Variants in PTPRN observed in about 807,000 individuals in gnomAD.
PTPRN encodes receptor-type tyrosine-protein phosphatase-like N.
In PTPRN, 70 loss-of-function variants were observed where a neutral mutation model predicts 108.5. The observed-to-expected ratio is 0.65, with a 90% confidence interval of 0.53 to 0.79. The LOEUF is 0.79. PTPRN is among the 30% of genes least tolerant of loss of function. The probability of loss-of-function intolerance (pLI) is 0.00; values close to 1 mark genes in which losing one functional copy is unlikely to be tolerated. For synonymous variants in PTPRN, 496 were observed against 524.6 expected (o/e 0.95, Z 0.75); for missense variants, 1,136 against 1,295.5 (o/e 0.88, Z 1.89).
At chr2:219,304,095 A>C (rs1254319079) in intron 3 of PTPRN, 1 of 305,888 alleles carries the variant, frequency 3.3e-6, no homozygotes, top group African/African-American at 2.2e-5. Context: ...TCCAAGCCTC[A>C]ATTCCCTCAT....
chr2:219,291,484 G>C lies in PTPRN; in HGVS notation c.2715C>G (p.Ile905Met). Residue 905 changes from isoleucine (I) to methionine (M), a missense_variant, in exon 20 of 23, where the codon ATC (isoleucine) becomes ATG (methionine). Ile to Met is a conservative substitution (Grantham distance 10). Coordinates refer to ENST00000295718, the MANE Select transcript of PTPRN (RefSeq NM_002846.4). Reference protein sequence around the residue: ...NKCYRGRSCPIIVHCSDGAGR... With the variant: ...NKCYRGRSCPMIVHCSDGAGR... ...TCTCCACCCACCTGCAGTGCACGAT[G>C]ATGGGGCAGGAGCGGCCCCGGTAGC... 6.2e-7 allele frequency: 1 copy of C among 1,614,044 alleles called. No homozygotes were observed. The highest frequency in any genetic ancestry group is 2.2e-5 in the East Asian group (1 of 44,868).
At chr2:219,305,313 G>T (rs529340917) in intron 3 of PTPRN, among the ~76,000 whole-genome samples, 4 of 151,668 alleles carry the variant, frequency 2.6e-5, no homozygotes. Flanking sequence ...TGCGATCTCG[G>T]CTCACCACAA....
intron 12 of PTPRN, 71 bp downstream of exon 12, chr2:219,298,976 G>T: frequency 6.3e-7 from 1 of 1,575,106 alleles, no homozygotes; most frequent in Non-Finnish European, 8.7e-7. Flanking sequence ...CTCCCCTCTG[G>T]TTTGCCTCCA....
rs1177512872 is a variant in PTPRN, at chr2:219,296,350, G to T, written c.2389-5C>A. ...GCAGCCGCTCTCCCACACCATCTAG[G>T]GACAGAGACCCAGTTGAGCTCCACT... On this transcript the variant is annotated splice_region_variant and splice_polypyrimidine_tract_variant and intron_variant, in intron 17 of 22. Transcript: ENST00000295718. This position sits in a 1 kb window ranked among gnomAD's most constrained non-coding sequence, Gnocchi z 6.0. 1.2e-6 allele frequency: 2 copies of T among 1,614,078 alleles called. No individual in the cohort carries two copies. The highest frequency in any genetic ancestry group is 1.7e-6 in the Non-Finnish European group (2 of 1,180,022).
intron 12 of PTPRN, among the ~76,000 whole-genome samples, chr2:219,298,804 C>G (rs961667817): frequency 1.3e-5 from 2 of 152,258 alleles, no homozygotes; most frequent in Non-Finnish European, 2.9e-5. Context: ...AGACTAAGGG[C>G]GGCTCAACTA....
At chr2:219,293,521 G>A (rs1345018327) in intron 19 of PTPRN, among the ~76,000 whole-genome samples, 3 of 152,182 alleles carry the variant, frequency 2.0e-5, no homozygotes, top group Non-Finnish European at 2.9e-5. Context: ...TGTTCTGGAT[G>A]TCTAATGCCA....
Position 219,290,421 on chromosome 2 carries a change from G to A in PTPRN, c.2868+117C>T. Reference sequence around the variant, plus strand: ...CCCCTGGGAGGAAGGGAGCCCTCCTGGAGGAGGCGCAGAAGCAGGTGGGAA... The same window carrying A: ...CCCCTGGGAGGAAGGGAGCCCTCCTAGAGGAGGCGCAGAAGCAGGTGGGAA... On this transcript the variant is annotated intron_variant, in intron 22 of 22. Transcript: ENST00000295718. This position sits in a 1 kb window ranked among gnomAD's most constrained non-coding sequence, Gnocchi z 4.2. The A allele has an allele frequency of 7.2e-7, 1 of 1,382,046 alleles. No individual in the cohort carries two copies. The highest frequency in any genetic ancestry group is 2.5e-5 in the East Asian group (1 of 40,044). 85.6% of individuals were successfully genotyped at this position (1,382,046 alleles called of 1,614,324 possible).
rs1213526316 is a variant in PTPRN, at chr2:219,303,729, G to T, written c.377+6C>A. On this transcript the variant is annotated splice_donor_region_variant and intron_variant, in intron 4 of 22. Coordinates refer to ENST00000295718, the MANE Select transcript of PTPRN (RefSeq NM_002846.4). ...ATTGCTAGAGTTGTAGAGAAAGGCTGCCTACCTGTCCCTTGGACGGGGCTC... is the reference window on the plus strand; with the variant it reads ...ATTGCTAGAGTTGTAGAGAAAGGCTTCCTACCTGTCCCTTGGACGGGGCTC... 6.2e-7 allele frequency: 1 copy of T among 1,610,626 alleles called. No individual in the cohort carries two copies. The highest frequency in any genetic ancestry group is 8.5e-7 in the Non-Finnish European group (1 of 1,176,988).
In PTPRN at chr2:219,299,040, C is replaced by G; in HGVS notation, c.1668+7G>C. 1 of 1,614,200 alleles carries G rather than the reference C, an allele frequency of 6.2e-7. No homozygotes were observed. Among genetic ancestry groups the G allele is most frequent in the Non-Finnish European group, 8.5e-7 (1 of 1,179,994 alleles). On this transcript the variant is annotated splice_region_variant and intron_variant, in intron 12 of 22. Transcript: ENST00000295718. ...GGACTTGGACTGATTCTCCAGTTAG[C>G]GCATACCTGTCCCACTCCTGTCTGC...
chr2:219,301,800 G>T, intron 6 of PTPRN, 81 bp from the exon 7 acceptor site: 1 of 1,481,048 alleles, frequency 6.8e-7, no homozygotes, highest in Non-Finnish European at 9.1e-7. Flanking sequence ...AGGGTGGGAA[G>T]GGACTAGCAT....
At chr2:219,298,948 C>T (rs1952271797) in intron 12 of PTPRN, 99 bp downstream of exon 12, 2 of 1,412,004 alleles carry the variant, frequency 1.4e-6, no homozygotes, top group East Asian at 2.3e-5. Flanking sequence ...TGCCTACGGA[C>T]ACGTTTCGGC....
chr2:219,295,043 C>T lies in PTPRN; in HGVS notation c.2607G>A (p.Gln869=), dbSNP rs1345173807. 1.2e-6 allele frequency: 2 copies of T among 1,613,064 alleles called. No homozygotes were observed. The highest frequency in any genetic ancestry group is 1.3e-5 in the African/African-American group (1 of 74,884). ...CTGCCGGCCAGCTGAGGAAGTGGAACTGCGTGAGCGTGCGCGTCTCCTGGG... is the reference window on the plus strand; with the variant it reads ...CTGCCGGCCAGCTGAGGAAGTGGAATTGCGTGAGCGTGCGCGTCTCCTGGG... The part of the protein sequence containing the change: ...VQTQETRTLT[Q]FHFLSWPAEG... Residue 869 remains glutamine (Q), a synonymous_variant, in exon 19 of 23, where the codon CAG becomes CAA. Coordinates refer to ENST00000295718, the MANE Select transcript of PTPRN (RefSeq NM_002846.4).
chr2:219,293,011 C>G (rs1040560947), intron 19 of PTPRN: 1 of 152,128 alleles, frequency 6.6e-6, no homozygotes, highest in Non-Finnish European at 1.5e-5. Flanking sequence ...TCCCTTGTGC[C>G]AAAAAGGTTG....
chr2:219,296,165 GA>G lies in PTPRN; in HGVS notation c.2508+60del. 1.3e-6 allele frequency: 2 copies of G among 1,597,128 alleles called. No individual in the cohort carries two copies. Among genetic ancestry groups the G allele is most frequent in the Non-Finnish European group, 1.7e-6 (2 of 1,166,198 alleles). ...GCTCATTTGGTGAAGAAAACGTTAC[GA>G]AAAGGCCATCATCTACTCTTCCCAC... On this transcript the variant is annotated intron_variant, in intron 18 of 22. Transcript: ENST00000295718. The surrounding 1 kb of genome is among the most constrained non-coding windows in gnomAD (Gnocchi z 6.0).
chr2:219,301,305 A>C (rs977473540), intron 7 of PTPRN, among the ~76,000 whole-genome samples: 1 of 146,440 alleles, frequency 6.8e-6, no homozygotes, highest in African/African-American at 2.7e-5. Context: ...CCTCATTGTC[A>C]CCAACCCATC....
rs1952288747 is a variant in PTPRN, at chr2:219,299,570, T to C, written c.1523+130A>G. 4.3e-6 allele frequency: 5 copies of C among 1,151,526 alleles called. No individual in the cohort carries two copies. In the East Asian group the frequency reaches 1.2e-4, roughly 27 times the overall value. 71.3% of individuals were successfully genotyped at this position (1,151,526 alleles called of 1,614,324 possible). ...CAACGGGCTGGGTGTGGCTGTACCT[T>C]CAGTACAGCTGGGAGCATCCCTGAG... On this transcript the variant is annotated intron_variant, in intron 10 of 22. Transcript: ENST00000295718.
intron 3 of PTPRN, among the ~76,000 whole-genome samples, chr2:219,305,263 G>C (rs1465091157): frequency 6.8e-6 from 1 of 146,904 alleles, no homozygotes; most frequent in Non-Finnish European, 1.5e-5. Flanking sequence ...TTTTTTTTGA[G>C]ATGGAGTCTC....
chr2:219,296,743 A>G lies in PTPRN; in HGVS notation c.2310+6T>C. 2 of 1,613,408 alleles carry G rather than the reference A, an allele frequency of 1.2e-6. No individual in the cohort carries two copies. The highest frequency in any genetic ancestry group is 1.7e-6 in the Non-Finnish European group (2 of 1,179,804). ...AGAGGTGGGGGCTGGAGTCAGGGCC[A>G]CTCACAATGGGGCTGGCGTTGATGT... On this transcript the variant is annotated splice_donor_region_variant and intron_variant, in intron 16 of 22. Transcript: ENST00000295718. This position sits in a 1 kb window ranked among gnomAD's most constrained non-coding sequence, Gnocchi z 6.0.
chr2:219,291,659 A>G, intron 19 of PTPRN, 136 bp from the exon 20 acceptor site: 1 of 922,592 alleles, frequency 1.1e-6, no homozygotes, highest in Non-Finnish European at 1.7e-6. Context: ...TGGTTGGAGA[A>G]AGGAGCCAGG....
Sources: gnomAD v4.1 joint callset for allele counts (sites outside exome capture counted in the v4.1 genomes callset) on GRCh38, gnomAD v4.1.1 for gene constraint, Gnocchi (gnomAD v3.1) non-coding constraint, MANE v1.5 for transcripts, NCBI Gene and HGNC (gene_info 2026-07-23, HGNC 2026-07-21) for gene names.